TMEM132C: variants seen among roughly 807,000 people sequenced by gnomAD.
The protein encoded by TMEM132C is transmembrane protein 132C, also known as protein phosphatase 1, regulatory subunit 152.
In TMEM132C, 29 loss-of-function variants were observed where a neutral mutation model predicts 61.4. That is an observed-to-expected ratio of 0.47 (90% CI 0.35 to 0.64). The LOEUF is 0.64. TMEM132C is among the 30% of genes least tolerant of loss of function. TMEM132C has a pLI of 0.00. For synonymous variants in TMEM132C, 656 were observed against 633.1 expected, an observed-to-expected ratio of 1.04 and a Z score of -0.54; for missense variants, 1,408 against 1,476.9, an observed-to-expected ratio of 0.95 and a Z score of 0.76.
chr12:128,354,245 G>A (rs1427878754), intron 1 of TMEM132C, among the ~76,000 whole-genome samples: 1 of 152,054 alleles, frequency 6.6e-6, no homozygotes, highest in Non-Finnish European at 1.5e-5. Flanking sequence ...CTGAGAAGCT[G>A]ATGACCCTGT....
intron 4 of TMEM132C, among the ~76,000 whole-genome samples, chr12:128,653,472 G>A (rs1954293609): frequency 6.6e-6 from 1 of 152,200 alleles, no homozygotes; most frequent in African/African-American, 2.4e-5. Context: ...CATTTTCTGA[G>A]TTGAGTTACA....
chr12:128,503,397 C>A (rs557405715), intron 2 of TMEM132C, among the ~76,000 whole-genome samples: 1 of 152,346 alleles, frequency 6.6e-6, no homozygotes, highest in South Asian at 2.1e-4. Context: ...GCTTTCTGTG[C>A]TGAACTCTTC....
intron 2 of TMEM132C, among the ~76,000 whole-genome samples, chr12:128,470,310 A>G (rs1239693421): frequency 6.6e-6 from 1 of 152,190 alleles, no homozygotes; most frequent in Non-Finnish European, 1.5e-5. Flanking sequence ...GCAAAGAGGC[A>G]TTTGTCGCGT....
chr12:128,424,015 C>T (rs945268689), intron 2 of TMEM132C, among the ~76,000 whole-genome samples: 6 of 144,444 alleles, frequency 4.2e-5, no homozygotes, highest in African/African-American at 1.3e-4. Context: ...CCACTGCACT[C>T]CAGCCTGGGC....
intron 2 of TMEM132C, among the ~76,000 whole-genome samples, chr12:128,503,625 G>A (rs1872254259): frequency 6.6e-6 from 1 of 152,198 alleles, no homozygotes; most frequent in Admixed American, 6.5e-5. Flanking sequence ...ATGCTTATGG[G>A]ATAGTTACCA....
At chr12:128,384,735 C>A (rs1317202334) in intron 1 of TMEM132C, among the ~76,000 whole-genome samples, 1 of 152,202 alleles carries the variant, frequency 6.6e-6, no homozygotes, top group East Asian at 1.9e-4. Flanking sequence ...TCTGTCCGCT[C>A]CAAATCCACC....
intron 5 of TMEM132C, among the ~76,000 whole-genome samples, chr12:128,674,327 A>T (rs1201669979): frequency 6.6e-6 from 1 of 152,202 alleles, no homozygotes; most frequent in Non-Finnish European, 1.5e-5. Context: ...CACTGTATGG[A>T]TATACCATAT....
At position 128,414,829 on chromosome 12, in the gene TMEM132C, C is replaced by T. The variant is rs1868699944; in HGVS notation, c.183C>T (p.Ser61=). The T allele has an allele frequency of 6.5e-7, 1 of 1,546,974 alleles. No homozygotes were observed. The highest frequency in any genetic ancestry group is 2.0e-5 in the Admixed American group (1 of 50,990). ...VSYHILRAET[S]FFLKEANQDL... is the part of the protein sequence containing the mutation. The stretch of plus-strand genomic sequence containing the variant: ...ACCACATCCTCAGAGCAGAGACCTC[C>T]TTCTTCCTCAAGGAAGCCAACCAGG... The change falls in exon 2 of 9, where the codon TCC becomes TCT. Residue 61 remains serine, a synonymous_variant. Coordinates refer to ENST00000435159, the MANE Select transcript of TMEM132C (RefSeq NM_001136103.3).
intron 3 of TMEM132C, among the ~76,000 whole-genome samples, chr12:128,591,418 G>T (rs1012616163): frequency 6.6e-6 from 1 of 152,074 alleles, no homozygotes; most frequent in Non-Finnish European, 1.5e-5. Context: ...CTGAGGGGTC[G>T]TCCATGCCTC....
In TMEM132C at chr12:128,595,618, C is replaced by G. The variant is rs145381281; in HGVS notation, c.1122-20534C>G. ...GGATTGTAAGAGGCAGCAGGAGGCA[C>G]GTGGGGGTGAGCCTGACCCAGTGAG... On this transcript the variant is annotated intron_variant, in intron 3 of 8. Transcript: ENST00000435159. Among the ~76,000 whole-genome samples, 310 of 152,250 alleles carry G rather than the reference C, an allele frequency of 2.0e-3. 2 individuals carry two copies. The highest frequency in any genetic ancestry group is 8.1e-3 in the East Asian group (42 of 5,170).
intron 4 of TMEM132C, among the ~76,000 whole-genome samples, chr12:128,663,903 C>CAT (rs1566007322): frequency 2.9e-5 from 4 of 139,896 alleles, no homozygotes; most frequent in African/African-American, 1.1e-4. Flanking sequence ...CCCACATGCA[C>CAT]GCACACAGGC....
intron 1 of TMEM132C, among the ~76,000 whole-genome samples, chr12:128,353,675 A>G (rs540006918): frequency 2.9e-4 from 44 of 152,170 alleles, no homozygotes; most frequent in Non-Finnish European, 5.6e-4. Flanking sequence ...CAGAGAGCAC[A>G]GGAGGAGGCA....
At chr12:128,370,192 C>G (rs963744479) in intron 1 of TMEM132C, among the ~76,000 whole-genome samples, 29 of 144,522 alleles carry the variant, frequency 2.0e-4, no homozygotes, top group Non-Finnish European at 7.7e-5. Flanking sequence ...AGTCTTAGGG[C>G]TCAGGTGTGC....
rs139577164 is a variant in TMEM132C at position 128,539,107 on chromosome 12, G to A, written c.975-4850G>A. 2.0e-3 allele frequency among the ~76,000 whole-genome samples: 308 copies of A among 152,180 alleles called. 2 individuals carry two copies. The highest frequency in any genetic ancestry group is 3.5e-3 in the Non-Finnish European group (235 of 68,018). ...TTTATTAAGAAAATTTTCGTTTCCCGGGGAAGTCTTTGCCGGAATCTTCTC... is the reference window on the plus strand; with the variant it reads ...TTTATTAAGAAAATTTTCGTTTCCCAGGGAAGTCTTTGCCGGAATCTTCTC... On this transcript the variant is annotated intron_variant, in intron 2 of 8. Transcript: ENST00000435159.
At chr12:128,675,880 GATAAA>G (rs1954581412) in intron 5 of TMEM132C, among the ~76,000 whole-genome samples, 1 of 90,608 alleles carries the variant, frequency 1.1e-5, no homozygotes, top group Non-Finnish European at 2.2e-5. Context: ...TAGATAGATA[GATAAA>G]TAGATAGATA....
At chr12:128,664,802 G>GT (rs1954439646) in intron 4 of TMEM132C, among the ~76,000 whole-genome samples, 1 of 149,844 alleles carries the variant, frequency 6.7e-6, no homozygotes, top group African/African-American at 2.6e-5. Flanking sequence ...TCTTGGTCCC[G>GT]CGGGGGTTTA....
intron 1 of TMEM132C, among the ~76,000 whole-genome samples, chr12:128,316,338 T>C (rs553371534): frequency 2.0e-5 from 3 of 152,286 alleles, no homozygotes; most frequent in South Asian, 4.1e-4. Context: ...CGAGGTTCCC[T>C]TCCTCTTCCT....
intron 3 of TMEM132C, among the ~76,000 whole-genome samples, chr12:128,604,951 G>A (rs188429265): frequency 1.6e-4 from 24 of 148,090 alleles, no homozygotes; most frequent in African/African-American, 5.5e-4. Context: ...ATAAATAGAT[G>A]GATAGATAAA....
intron 2 of TMEM132C, among the ~76,000 whole-genome samples, chr12:128,417,450 A>T (rs1445963845): frequency 6.6e-6 from 1 of 152,030 alleles, no homozygotes; most frequent in East Asian, 1.9e-4. Flanking sequence ...TTCAGAGAGG[A>T]GGATCTGTTT....
Sources: allele counts gnomAD v4.1 joint callset (sites outside exome capture counted in the v4.1 genomes callset), GRCh38; gene constraint gnomAD v4.1.1; transcripts MANE v1.5; gene names NCBI Gene and HGNC (gene_info 2026-07-23, HGNC 2026-07-21).